ORC1: variants seen among roughly 807,000 people sequenced by gnomAD.
ORC1 encodes the protein origin recognition complex subunit 1.
Under a neutral mutation model 98.9 loss-of-function variants are expected in ORC1, and 61 were observed. The observed-to-expected ratio is 0.62, with a 90% CI of 0.50 to 0.76. ORC1 has a LOEUF of 0.76. Among genes scored for constraint, ORC1 ranks in the 30% least tolerant of loss-of-function variants. The probability of loss-of-function intolerance (pLI) is 0.00; values close to 1 mark genes in which losing one functional copy is unlikely to be tolerated. For synonymous variants in ORC1, 385 were observed against 406.9 expected, an observed-to-expected ratio of 0.95 and a Z score of 0.65; for missense variants, 979 against 1,072.2, an observed-to-expected ratio of 0.91 and a Z score of 1.21.
intron 13 of ORC1, among the ~76,000 whole-genome samples, chr1:52,382,258 C>T (rs1367824336): frequency 2.6e-5 from 4 of 152,114 alleles, no homozygotes; most frequent in African/African-American, 4.8e-5. Context: ...GGATTACAGG[C>T]GTGAGCAACC....
At chr1:52,385,732 G>C in intron 9 of ORC1, 120 bp downstream of exon 9, 1 of 752,160 alleles carries the variant, frequency 1.3e-6, no homozygotes, top group Non-Finnish European at 2.4e-6. Context: ...ATAGGTAAAA[G>C]TATAGACACA....
chr1:52,392,603 T>C (rs1647243328), intron 6 of ORC1, among the ~76,000 whole-genome samples: 1 of 152,092 alleles, frequency 6.6e-6, no homozygotes, highest in Admixed American at 6.5e-5. Context: ...AAAAGACACA[T>C]GCACACGCAT....
At chr1:52,393,980 C>T (rs920731347) in intron 5 of ORC1, among the ~76,000 whole-genome samples, 177 bp from the exon 6 acceptor site, 4 of 152,198 alleles carry the variant, frequency 2.6e-5, no homozygotes, top group African/African-American at 9.7e-5. Flanking sequence ...TCATCTCTCA[C>T]CTAAATTTTA....
intron 3 of ORC1, 84 bp from the exon 4 acceptor site, chr1:52,397,947 C>A: frequency 7.8e-7 from 1 of 1,280,532 alleles, no homozygotes; most frequent in Non-Finnish European, 1.1e-6. Context: ...AGACACTGTG[C>A]TTAACCCTTG....
intron 1 of ORC1, among the ~76,000 whole-genome samples, chr1:52,402,821 C>T (rs773305168): frequency 6.6e-6 from 1 of 152,022 alleles, no homozygotes; most frequent in African/African-American, 2.4e-5. Context: ...CACTTGAACC[C>T]GGGAGGTGGA....
intron 5 of ORC1, 61 bp from the exon 6 acceptor site, chr1:52,393,864 C>A (rs1288246926): frequency 6.4e-7 from 1 of 1,560,688 alleles, no homozygotes; most frequent in Non-Finnish European, 8.7e-7. Context: ...CCCACAATCT[C>A]ATCACAGCCA....
intron 1 of ORC1, among the ~76,000 whole-genome samples, chr1:52,402,528 G>C (rs1052400732): frequency 6.6e-6 from 1 of 152,132 alleles, no homozygotes; most frequent in Non-Finnish European, 1.5e-5. Flanking sequence ...GAAATACTAG[G>C]AATAAGGCAG....
upstream of ORC1, among the ~76,000 whole-genome samples, chr1:52,407,093 C>T (rs1334731708): frequency 6.6e-6 from 1 of 152,240 alleles, no homozygotes; most frequent in Non-Finnish European, 1.5e-5. Context: ...TCTCGGCTCA[C>T]TGCAAGCTCG....
upstream of ORC1, chr1:52,404,897 G>C (rs766585037): frequency 6.2e-7 from 1 of 1,612,880 alleles, no homozygotes; most frequent in Non-Finnish European, 8.5e-7. Flanking sequence ...GAAGCGCGCG[G>C]AGCGCCTCTC....
At chr1:52,391,210 G>C (rs1270919460) in intron 6 of ORC1, among the ~76,000 whole-genome samples, 1 of 151,436 alleles carries the variant, frequency 6.6e-6, no homozygotes, top group Middle Eastern at 3.4e-3. Flanking sequence ...TCAGGAGGCT[G>C]AGGCAGAAGA....
At chr1:52,375,683 A>T in intron 14 of ORC1, 84 bp from the exon 15 acceptor site, 2 of 1,334,412 alleles carry the variant, frequency 1.5e-6, no homozygotes, top group Non-Finnish European at 2.1e-6. Flanking sequence ...AATGGACATA[A>T]GCGTAAAGTT....
intron 7 of ORC1, 135 bp downstream of exon 7, chr1:52,389,082 T>C: frequency 1.3e-6 from 1 of 749,330 alleles, no homozygotes. Context: ...AAACTTAACA[T>C]AATTCCAGAC....
At chr1:52,393,916 ATTT>A in intron 5 of ORC1, 113 bp from the exon 6 acceptor site, 1 of 1,162,836 alleles carries the variant, frequency 8.6e-7, no homozygotes, top group Non-Finnish European at 1.2e-6. Flanking sequence ...AATTATCTAT[ATTT>A]TTAATCATTC....
In ORC1 at chr1:52,381,744, G is replaced by A. The variant is rs1414378703; in HGVS notation, c.2031C>T (p.Cys677=). The part of the protein sequence containing the change: ...VSSRLGLTRM[C]FQPYTYSQLQ... ...GCTGGCTATATGTATAGGGCTGGAAGCACATCCTGGTAAGACCCTGGGGAG... is the reference window on the plus strand; with the variant it reads ...GCTGGCTATATGTATAGGGCTGGAAACACATCCTGGTAAGACCCTGGGGAG... The change falls in exon 14 of 17, where the codon TGC becomes TGT. Residue 677 remains cysteine, a synonymous_variant. Transcript: ENST00000371568. 1.2e-6 allele frequency: 2 copies of A among 1,613,370 alleles called. No homozygotes were observed. Among genetic ancestry groups the A allele is most frequent in the Non-Finnish European group, 1.7e-6 (2 of 1,179,574 alleles).
intron 1 of ORC1, among the ~76,000 whole-genome samples, chr1:52,403,791 A>C (rs1647849100): frequency 6.6e-6 from 1 of 151,968 alleles, no homozygotes; most frequent in Admixed American, 6.5e-5. Context: ...CAGACTGCTT[A>C]GTCACGAAAA....
At chr1:52,374,959 G>C (rs1439205047) in intron 15 of ORC1, 62 bp from the exon 16 acceptor site, 6 of 1,060,086 alleles carry the variant, frequency 5.7e-6, no homozygotes, top group Non-Finnish European at 8.8e-6. Flanking sequence ...CCAGAGGAAA[G>C]CCAAAGAAAA....
In ORC1 at chr1:52,393,756, C is replaced by G. The variant is rs764106868; in HGVS notation, c.769G>C (p.Asp257His). ...TTCCGTTTTATTCTTCCTGGAGAATCCAAGGAGGCACATGAAGTCTGCTGG... is the reference window on the plus strand; with the variant it reads ...TTCCGTTTTATTCTTCCTGGAGAATGCAAGGAGGCACATGAAGTCTGCTGG... Reference protein sequence around the residue: ...MSQQTSCASLDSPGRIKRKVA... With the variant: ...MSQQTSCASLHSPGRIKRKVA... The change falls in exon 6 of 17, where the codon GAT becomes CAT. Residue 257 changes from aspartate to histidine, a missense_variant. Asp to His is a moderately conservative substitution (Grantham distance 81). Coordinates refer to ENST00000371568, the MANE Select transcript of ORC1 (RefSeq NM_004153.4). 3 of 1,613,780 alleles carry G rather than the reference C, an allele frequency of 1.9e-6. No homozygotes were observed. The highest frequency in any genetic ancestry group is 2.5e-6 in the Non-Finnish European group (3 of 1,179,838).
At chr1:52,389,402 GCCTGATTGGCT>G in intron 6 of ORC1, 81 bp from the exon 7 acceptor site, 1 of 917,126 alleles carries the variant, frequency 1.1e-6, no homozygotes, top group Admixed American at 1.7e-5. Context: ...TAGTCAAGTG[GCCTGATTGGCT>G]CCCAGTCTTT....
chr1:52,383,996 A>C, intron 11 of ORC1, 59 bp from the exon 12 acceptor site: 1 of 1,408,892 alleles, frequency 7.1e-7, no homozygotes. Context: ...CTTGGGCTTA[A>C]AGTTAAATCT....
Sources: gnomAD v4.1 joint callset for allele counts (sites outside exome capture counted in the v4.1 genomes callset) on GRCh38, gnomAD v4.1.1 for gene constraint, MANE v1.5 for transcripts, NCBI Gene and HGNC (gene_info 2026-07-23, HGNC 2026-07-21) for gene names.